GIGYF2: variants seen among roughly 807,000 people sequenced by gnomAD.
The protein encoded by GIGYF2 is GRB10-interacting GYF protein 2.
GIGYF2 carries 25 observed loss-of-function variants against 208.1 expected under a neutral mutation model. That is an observed-to-expected ratio of 0.12 (90% CI 0.09 to 0.17). The LOEUF (loss-of-function observed/expected upper bound fraction) is 0.17. Among genes scored for constraint, GIGYF2 ranks in the 10% least tolerant of loss-of-function variants. GIGYF2 has a pLI of 1.00. For missense variants in GIGYF2, 1,302 were observed against 1,579.4 expected (o/e 0.82, Z 2.98); for synonymous variants, 534 against 543.8 (o/e 0.98, Z 0.25).
At chr2:232,836,141 C>T (rs555201306) in intron 22 of GIGYF2, among the ~76,000 whole-genome samples, 229 of 149,712 alleles carry the variant, frequency 1.5e-3, no homozygotes, top group Admixed American at 2.9e-3. Context: ...TTAAAATTGT[C>T]CTGGGCTGGG....
intron 21 of GIGYF2, among the ~76,000 whole-genome samples, chr2:232,822,988 T>C (rs778873031): frequency 3.3e-5 from 5 of 152,200 alleles, no homozygotes; most frequent in Non-Finnish European, 7.3e-5. Context: ...TAGTTTTTCA[T>C]AGGTATCCAT....
At position 232,796,138 on chromosome 2, in the gene GIGYF2, A is replaced by G. The variant is rs527404044; in HGVS notation, c.1556A>G (p.His519Arg). The part of the protein sequence containing the change: ...DERLASKLQE[H>R]RAKGVSIPLM... ...AGATTGGCATCAAAACTGCAAGAGC[A>G]CAGAGCTAAAGGAGTGTCGATTCCA... The change falls in exon 14 of 29, where the codon CAC becomes CGC. Residue 519 changes from histidine to arginine, a missense_variant. Coordinates refer to ENST00000373563, the MANE Select transcript of GIGYF2 (RefSeq NM_001103146.3). 5 of 1,600,902 alleles carry G rather than the reference A, an allele frequency of 3.1e-6. No homozygotes were observed. In the African/African-American group the frequency reaches 6.7e-5, roughly 21 times the overall value.
At chr2:232,762,119 TCATGGTAC>T (rs1698762702) in intron 8 of GIGYF2, among the ~76,000 whole-genome samples, 2 of 151,616 alleles carry the variant, frequency 1.3e-5, no homozygotes, top group Non-Finnish European at 2.9e-5. Flanking sequence ...TAATGCCAAT[TCATGGTAC>T]CATGAATTGG....
intron 8 of GIGYF2, 65 bp downstream of exon 8, chr2:232,761,501 C>T (rs1198838331): frequency 3.3e-6 from 3 of 908,458 alleles, no homozygotes; most frequent in African/African-American, 1.6e-5. Context: ...ACCTGCACCT[C>T]TCCAGTAGAT....
intron 12 of GIGYF2, among the ~76,000 whole-genome samples, chr2:232,792,361 A>G (rs1338383438): frequency 1.3e-5 from 2 of 152,180 alleles, no homozygotes; most frequent in African/African-American, 4.8e-5. Context: ...TTGTTTTCCC[A>G]GTAGACTAAT....
At chr2:232,843,562 CAA>C (rs577833427) in intron 23 of GIGYF2, among the ~76,000 whole-genome samples, 38 of 91,528 alleles carry the variant, frequency 4.2e-4, no homozygotes, top group Admixed American at 5.9e-4. Flanking sequence ...GACCCTGTCT[CAA>C]AAAAAAAAAA....
In GIGYF2 at chr2:232,731,834, C is replaced by T. The variant is rs74810019; in HGVS notation, c.-43-3321C>T. Among the ~76,000 whole-genome samples, 92 of 152,146 alleles carry T rather than the reference C, an allele frequency of 6.0e-4. 1 individual carries two copies. In the East Asian group the frequency reaches 8.7e-3, roughly 14 times the overall value. On this transcript the variant is annotated intron_variant, in intron 2 of 28. Transcript: ENST00000373563. ...GAAAGGAATACTGCCAAGAAGGCTCCGGCACATCTGGCACAGGCTTTTCTT... is the reference window on the plus strand; with the variant it reads ...GAAAGGAATACTGCCAAGAAGGCTCTGGCACATCTGGCACAGGCTTTTCTT...
intron 17 of GIGYF2, among the ~76,000 whole-genome samples, 175 bp downstream of exon 17, chr2:232,811,526 C>T (rs1345623796): frequency 1.3e-5 from 2 of 152,072 alleles, no homozygotes; most frequent in African/African-American, 4.8e-5. Flanking sequence ...TGGAGATAAG[C>T]GTTTATTTGG....
intron 22 of GIGYF2, among the ~76,000 whole-genome samples, chr2:232,838,103 G>A (rs114444765): frequency 6.6e-6 from 1 of 152,080 alleles, no homozygotes; most frequent in Non-Finnish European, 1.5e-5. Flanking sequence ...TATTATTTCC[G>A]ATGTACAAAG....
Position 232,749,007 on chromosome 2 carries a change from TA to T in GIGYF2, c.195del (p.Glu66AsnfsTer31). ...DNKIPSDLLD[K>X]EFLPILQEEP... ...TACAGATACCTTCAGACCTTCTGGA[TA>T]AAGAATTTCTGCCTATCCTCCAGGA... On this transcript the variant is annotated frameshift_variant, in exon 5 of 29. Transcript: ENST00000373563. LOFTEE classifies it high-confidence loss of function. 6.3e-7 allele frequency: 1 copy of T among 1,588,748 alleles called. No homozygotes were observed. Among genetic ancestry groups the T allele is most frequent in the Non-Finnish European group, 8.6e-7 (1 of 1,156,804 alleles).
intron 3 of GIGYF2, among the ~76,000 whole-genome samples, chr2:232,742,901 G>A (rs1698022590): frequency 1.3e-5 from 2 of 152,160 alleles, no homozygotes; most frequent in Non-Finnish European, 2.9e-5. Flanking sequence ...TGAACCTGAT[G>A]GGCTTTACAT....
intron 2 of GIGYF2, chr2:232,706,084 A>T (rs527392987): frequency 6.6e-6 from 1 of 152,198 alleles, no homozygotes; most frequent in Non-Finnish European, 1.5e-5. Context: ...ACATTTTGCT[A>T]TATTAGTATG....
chr2:232,784,047 A>G (rs1446398268), intron 8 of GIGYF2, among the ~76,000 whole-genome samples: 6 of 152,200 alleles, frequency 3.9e-5, no homozygotes, highest in Non-Finnish European at 8.8e-5. Context: ...AGTAACAATT[A>G]CATACAAGGA....
At chr2:232,710,893 G>A (rs1247490994) in intron 2 of GIGYF2, among the ~76,000 whole-genome samples, 1 of 151,640 alleles carries the variant, frequency 6.6e-6, no homozygotes, top group Non-Finnish European at 1.5e-5. Flanking sequence ...TAGAGACAGG[G>A]TTTCACTGTG....
At chr2:232,824,296 T>C (rs1158265090) in intron 21 of GIGYF2, among the ~76,000 whole-genome samples, 4 of 152,222 alleles carry the variant, frequency 2.6e-5, no homozygotes, top group African/African-American at 9.6e-5. Flanking sequence ...GAAGCTGAGA[T>C]AGGCCAAAGG....
intron 20 of GIGYF2, among the ~76,000 whole-genome samples, chr2:232,818,980 T>C (rs1483572849): frequency 3.3e-5 from 5 of 152,118 alleles, no homozygotes; most frequent in Admixed American, 3.3e-4. Context: ...TCTTTTTTTT[T>C]CTTTTTCTTT....
chr2:232,832,793 G>A (rs967194121), intron 21 of GIGYF2, 64 bp from the exon 22 acceptor site: 5 of 1,220,658 alleles, frequency 4.1e-6, no homozygotes, highest in Non-Finnish European at 5.9e-6. Context: ...TTTCAAAAGT[G>A]AGTCAGATTT....
At chr2:232,841,454 A>G (rs1023413524) in intron 23 of GIGYF2, among the ~76,000 whole-genome samples, 1 of 113,360 alleles carries the variant, frequency 8.8e-6, no homozygotes, top group Non-Finnish European at 1.8e-5. Context: ...TGCCACCACC[A>G]CCAGCTATTT....
chr2:232,716,374 G>GTTTTTTTTTTTTTTTTTTTTTTTT (rs397988241), intron 2 of GIGYF2, among the ~76,000 whole-genome samples: 1 of 100,290 alleles, frequency 1.0e-5, no homozygotes, highest in African/African-American at 4.0e-5. Flanking sequence ...GGTGTTATTT[G>GTTTTTTTTTTTTTTTTTTTTTTTT]TTTTTTTTTT....
Sources: allele counts gnomAD v4.1 joint callset (sites outside exome capture counted in the v4.1 genomes callset), GRCh38; gene constraint gnomAD v4.1.1; transcripts MANE v1.5; gene names NCBI Gene and HGNC (gene_info 2026-07-23, HGNC 2026-07-21).